Variants in CYP2B6 observed in about 807,000 individuals in gnomAD.
CYP2B6 encodes the protein cytochrome P450 family 2 subfamily B member 6, also known as cytochrome P450 2B6.
In CYP2B6, 35 loss-of-function variants were observed where a neutral mutation model predicts 43.4. The observed-to-expected ratio is 0.81, with a 90% CI of 0.62 to 1.07. The LOEUF (loss-of-function observed/expected upper bound fraction) is 1.07, where lower values mean the gene tolerates loss of function less well. Ranked by LOEUF, CYP2B6 falls within the 50% of genes least tolerant of loss-of-function variation. The pLI, the probability that CYP2B6 is intolerant of heterozygous loss-of-function variation, is 0.00. For missense variants in CYP2B6, 624 were observed against 632.8 expected, an observed-to-expected ratio of 0.99 and a Z score of 0.15; for synonymous variants, 239 against 239.2, an observed-to-expected ratio of 1.00 and a Z score of 0.01.
intron 1 of CYP2B6, 23 bp downstream of exon 1, chr19:40,991,499 C>T: frequency 6.2e-7 from 1 of 1,612,346 alleles, no homozygotes; most frequent in Admixed American, 1.7e-5. Flanking sequence ...CGAATGGGGT[C>T]TGAGGGTGAG....
At chr19:40,997,419 A>C (rs1969013895) in intron 1 of CYP2B6, among the ~76,000 whole-genome samples, 1 of 151,766 alleles carries the variant, frequency 6.6e-6, no homozygotes, top group East Asian at 1.9e-4. Context: ...TGTTGACCAT[A>C]CTCCTGAATC....
chr19:41,001,773 C>T (rs1473782607), intron 1 of CYP2B6, among the ~76,000 whole-genome samples: 2 of 152,082 alleles, frequency 1.3e-5, no homozygotes, highest in East Asian at 1.9e-4. Context: ...ACAAGACATA[C>T]GAGGTCACTG....
chr19:40,999,297 G>A (rs1257917246), intron 1 of CYP2B6, among the ~76,000 whole-genome samples: 2 of 151,956 alleles, frequency 1.3e-5, no homozygotes, highest in African/African-American at 4.8e-5. Context: ...ATTTGTTTGA[G>A]TTCATTGTAG....
In CYP2B6 at chr19:41,012,724, C is replaced by G; in HGVS notation, c.1203C>G (p.Tyr401Ter). Residue 401 changes from tyrosine (Y) to a stop codon, truncating the protein, a stop_gained, in exon 8 of 9, where the codon TAC becomes TAG. Transcript: ENST00000324071. LOFTEE classifies it high-confidence loss of function. ...GCACTGCTCTCCATGACCCACACTA[C>G]TTTGAAAAACCAGACGCCTTCAATC... The part of the protein sequence containing the change: ...ILSTALHDPH[Y>*]FEKPDAFNPD... The G allele has an allele frequency of 6.2e-7, 1 of 1,614,162 alleles. No homozygotes were observed. The highest frequency in any genetic ancestry group is 8.5e-7 in the Non-Finnish European group (1 of 1,180,028).
At chr19:40,999,623 C>A (rs546330553) in intron 1 of CYP2B6, among the ~76,000 whole-genome samples, 1 of 152,190 alleles carries the variant, frequency 6.6e-6, no homozygotes, top group South Asian at 2.1e-4. Context: ...TCAAAAGGAT[C>A]TTTGTGGCTA....
chr19:41,000,306 C>T (rs1243683092), intron 1 of CYP2B6, among the ~76,000 whole-genome samples: 1 of 152,166 alleles, frequency 6.6e-6, no homozygotes. Context: ...CTCTCCCTCA[C>T]ACTTCCAGAC....
chr19:41,014,673 A>C (rs1037355660), intron 8 of CYP2B6, among the ~76,000 whole-genome samples: 1 of 152,122 alleles, frequency 6.6e-6, no homozygotes, highest in East Asian at 1.9e-4. Flanking sequence ...TAACAAAGAT[A>C]ATGAGACTGA....
At chr19:40,994,680 A>G (rs536360274) in intron 1 of CYP2B6, among the ~76,000 whole-genome samples, 1 of 152,132 alleles carries the variant, frequency 6.6e-6, no homozygotes, top group African/African-American at 2.4e-5. Context: ...ACACCCCCAT[A>G]GGTAGTCCCC....
At chr19:41,008,351 A>G (rs1969227529) in intron 4 of CYP2B6, among the ~76,000 whole-genome samples, 1 of 145,050 alleles carries the variant, frequency 6.9e-6, no homozygotes, top group Non-Finnish European at 1.5e-5. Context: ...AGCCGGGACT[A>G]TAGGCGAGCG....
chr19:40,996,726 C>CT (rs1336216136), intron 1 of CYP2B6, among the ~76,000 whole-genome samples: 7 of 152,104 alleles, frequency 4.6e-5, no homozygotes, highest in Non-Finnish European at 8.8e-5. Flanking sequence ...ATTTTAAGAA[C>CT]TCAGGAAGGA....
At chr19:41,010,746 AGTGT>A (rs1969271208) in intron 6 of CYP2B6, among the ~76,000 whole-genome samples, 1 of 152,192 alleles carries the variant, frequency 6.6e-6, no homozygotes, top group Non-Finnish European at 1.5e-5. Flanking sequence ...TCACCCAAAC[AGTGT>A]ACATTGTACC....
intron 1 of CYP2B6, among the ~76,000 whole-genome samples, chr19:40,996,206 A>T (rs993370289): frequency 6.6e-6 from 1 of 152,038 alleles, no homozygotes; most frequent in African/African-American, 2.4e-5. Context: ...CTTGAATGTA[A>T]GGTGTGGTCA....
intron 4 of CYP2B6, among the ~76,000 whole-genome samples, chr19:41,008,840 T>C (rs1371370805): frequency 6.6e-6 from 1 of 152,112 alleles, no homozygotes; most frequent in African/African-American, 2.4e-5. Context: ...ATTTTATTAA[T>C]ATCTGACACA....
intron 8 of CYP2B6, among the ~76,000 whole-genome samples, chr19:41,016,097 T>TTA (rs1297331228): frequency 6.6e-6 from 1 of 151,902 alleles, no homozygotes; most frequent in Non-Finnish European, 1.5e-5. Flanking sequence ...AGAAACTCTC[T>TTA]TATATAAAAA....
chr19:41,005,774 C>G (rs987860499), intron 3 of CYP2B6, among the ~76,000 whole-genome samples: 7 of 151,212 alleles, frequency 4.6e-5, no homozygotes, highest in African/African-American at 1.7e-4. Context: ...GAGTGAGACT[C>G]TGTCTCCAAA....
At chr19:41,016,366 C>T (rs1295969817) in intron 8 of CYP2B6, among the ~76,000 whole-genome samples, 2 of 131,464 alleles carry the variant, frequency 1.5e-5, no homozygotes, top group Non-Finnish European at 3.1e-5. Flanking sequence ...TGCCACTGTG[C>T]TCCAGTCTGG....
In CYP2B6 at chr19:41,010,033, C is replaced by T. The variant is rs1969256063; in HGVS notation, c.862C>T (p.Leu288Phe). Reference protein sequence around the residue: ...NAHSEFSHQNLNLNTLSLFFA... With the variant: ...NAHSEFSHQNFNLNTLSLFFA... ...ACACAGTGAATTCAGCCACCAGAAC[C>T]TCAACCTCAACACGCTCTCGCTCTT... The change falls in exon 6 of 9, where the codon CTC (leucine) becomes TTC (phenylalanine). Residue 288 changes from leucine (L) to phenylalanine (F), a missense_variant. By Grantham distance (22) the Leu-to-Phe change is conservative. Coordinates refer to ENST00000324071, the MANE Select transcript of CYP2B6 (RefSeq NM_000767.5). The T allele has an allele frequency of 6.2e-7, 1 of 1,614,174 alleles. No homozygotes were observed. Among genetic ancestry groups the T allele is most frequent in the African/African-American group, 1.3e-5 (1 of 75,034 alleles).
At chr19:41,005,935 T>C (rs980638278) in intron 3 of CYP2B6, among the ~76,000 whole-genome samples, 3 of 151,512 alleles carry the variant, frequency 2.0e-5, no homozygotes, top group Non-Finnish European at 4.4e-5. Context: ...TGCAGAGGAA[T>C]GAGAGAAGAC....
At chr19:41,002,940 A>G (rs944957522) in intron 1 of CYP2B6, among the ~76,000 whole-genome samples, 1 of 152,124 alleles carries the variant, frequency 6.6e-6, no homozygotes, top group Non-Finnish European at 1.5e-5. Context: ...AGTTTCAGCC[A>G]CGTTGTCGCC....
Sources: gnomAD v4.1 joint callset for allele counts (sites outside exome capture counted in the v4.1 genomes callset) on GRCh38, gnomAD v4.1.1 for gene constraint, MANE v1.5 for transcripts, NCBI Gene and HGNC (gene_info 2026-07-23, HGNC 2026-07-21) for gene names.